TRABD2B: variants seen among roughly 807,000 people sequenced by gnomAD.
TRABD2B encodes the protein TraB domain containing 2B.
TRABD2B carries 14 observed loss-of-function variants against 40.1 expected under a neutral mutation model. That is an observed-to-expected ratio of 0.35 (90% CI 0.23 to 0.55). The LOEUF is 0.55. Ranked by LOEUF, TRABD2B falls within the 20% of genes least tolerant of loss-of-function variation. TRABD2B has a pLI of 0.90. For missense variants in TRABD2B, 541 were observed against 648.6 expected (o/e 0.83, Z 1.80); for synonymous variants, 263 against 277.0 (o/e 0.95, Z 0.50).
At chr1:47,974,797 C>T (rs189206292) in intron 2 of TRABD2B, among the ~76,000 whole-genome samples, 120 of 152,310 alleles carry the variant, frequency 7.9e-4, no homozygotes, top group Middle Eastern at 3.4e-3. Flanking sequence ...AGAAACCTGA[C>T]AAATACTACT....
intron 4 of TRABD2B, among the ~76,000 whole-genome samples, chr1:47,793,101 C>G (rs935558514): frequency 6.6e-6 from 1 of 152,128 alleles, no homozygotes; most frequent in Non-Finnish European, 1.5e-5. Flanking sequence ...AGTCAATGTC[C>G]TGCTCCTGCC....
At chr1:47,844,355 T>A (rs1439373684) in intron 2 of TRABD2B, among the ~76,000 whole-genome samples, 2 of 152,192 alleles carry the variant, frequency 1.3e-5, no homozygotes, top group Non-Finnish European at 2.9e-5. Flanking sequence ...GAGGTCCATA[T>A]GAGTTGGGGC....
intron 2 of TRABD2B, among the ~76,000 whole-genome samples, chr1:47,899,964 C>G (rs1410766359): frequency 6.6e-6 from 1 of 152,162 alleles, no homozygotes; most frequent in African/African-American, 2.4e-5. Context: ...GGAATAAAGG[C>G]AGGTATGCAA....
At chr1:47,935,000 C>T (rs1367247741) in intron 2 of TRABD2B, among the ~76,000 whole-genome samples, 1 of 152,100 alleles carries the variant, frequency 6.6e-6, no homozygotes, top group Non-Finnish European at 1.5e-5. Context: ...CTCTCTTTAT[C>T]CACCTGGAAA....
intron 2 of TRABD2B, among the ~76,000 whole-genome samples, chr1:47,845,071 C>T (rs1256605044): frequency 6.6e-6 from 1 of 152,104 alleles, no homozygotes; most frequent in Non-Finnish European, 1.5e-5. Flanking sequence ...CATCACTGTC[C>T]CCCGTCCATC....
chr1:47,885,024 C>T (rs1644352994), intron 2 of TRABD2B, among the ~76,000 whole-genome samples: 1 of 152,096 alleles, frequency 6.6e-6, no homozygotes. Flanking sequence ...CCCTGCCACC[C>T]AGCTGCTCAA....
At position 47,765,955 on chromosome 1, in the gene TRABD2B, T is replaced by C. The variant is rs976757944; in HGVS notation, c.1501A>G (p.Ile501Val). The change falls in exon 7 of 7, where the codon ATC becomes GTC. Residue 501 changes from isoleucine (I) to valine (V), a missense_variant. This residue lies in a region of TRABD2B where 172 missense variants were observed against 155.8 expected (regional missense o/e 1.10). Coordinates refer to ENST00000606738, the MANE Select transcript of TRABD2B (RefSeq NM_001194986.2). ...SAPTLGLLPA[I>V]ATTIAVCFLL... Reference sequence around the variant, plus strand: ...AAGCAGACAGCGATGGTGGTGGCGATGGCGGGGAGAAGGCCCAGGGTGGGT... The same window carrying C: ...AAGCAGACAGCGATGGTGGTGGCGACGGCGGGGAGAAGGCCCAGGGTGGGT... 3.1e-5 allele frequency: 22 copies of C among 702,702 alleles called. No homozygotes were observed. The highest frequency in any genetic ancestry group is 5.2e-5 in the African/African-American group (3 of 57,228). 43.5% of individuals were successfully genotyped at this position (702,702 alleles called of 1,614,324 possible). A position where few individuals can be genotyped will look rare whatever the true frequency, so the allele number is the denominator to read the frequency against.
At chr1:47,825,951 C>T (rs1645168438) in intron 2 of TRABD2B, among the ~76,000 whole-genome samples, 1 of 152,206 alleles carries the variant, frequency 6.6e-6, no homozygotes. Flanking sequence ...CTCATCTGTT[C>T]AACAGGGAGA....
intron 2 of TRABD2B, among the ~76,000 whole-genome samples, chr1:47,918,740 T>C (rs977560216): frequency 4.6e-5 from 7 of 152,162 alleles, no homozygotes; most frequent in African/African-American, 1.7e-4. Context: ...ACTCATACCA[T>C]TCTATGCCTC....
At chr1:47,854,939 G>A (rs950017470) in intron 2 of TRABD2B, among the ~76,000 whole-genome samples, 2 of 152,146 alleles carry the variant, frequency 1.3e-5, no homozygotes, top group African/African-American at 4.8e-5. Flanking sequence ...GTGATGTAGG[G>A]CAAGCTGCTT....
chr1:47,834,552 G>A (rs1368484030), intron 2 of TRABD2B, among the ~76,000 whole-genome samples: 2 of 147,816 alleles, frequency 1.4e-5, no homozygotes, highest in Non-Finnish European at 3.0e-5. Flanking sequence ...GGGTGTTAAG[G>A]ATGTGCTCCA....
intron 4 of TRABD2B, among the ~76,000 whole-genome samples, chr1:47,791,114 C>G: frequency 6.6e-6 from 1 of 152,206 alleles, no homozygotes; most frequent in East Asian, 1.9e-4. Context: ...TGTCTGTCCT[C>G]GCAGGCTCTC....
At chr1:47,900,800 C>T (rs1644590064) in intron 2 of TRABD2B, among the ~76,000 whole-genome samples, 1 of 152,142 alleles carries the variant, frequency 6.6e-6, no homozygotes, top group Admixed American at 6.5e-5. Flanking sequence ...CAGTCTGAGA[C>T]CACAGGACAG....
intron 4 of TRABD2B, among the ~76,000 whole-genome samples, chr1:47,783,609 T>C (rs993507597): frequency 6.6e-6 from 1 of 152,044 alleles, no homozygotes; most frequent in Non-Finnish European, 1.5e-5. Context: ...GAAGCCAGGG[T>C]CCCACATAAA....
Position 47,961,670 on chromosome 1 carries a change from C to G in TRABD2B, c.666+32364G>C, listed in dbSNP as rs1170822655. On this transcript the variant is annotated intron_variant, in intron 2 of 6. Transcript: ENST00000606738. ...AATCAAAACCACAATGAGATACCAT[C>G]TCACACCAGTTAGAATGGCGATCAT... 2.0e-5 allele frequency among the ~76,000 whole-genome samples: 3 copies of G among 152,166 alleles called. No homozygotes were observed. The East Asian group carries it at 5.8e-4, about 29-fold the overall frequency.
At chr1:47,913,082 C>A (rs1644784237) in intron 2 of TRABD2B, among the ~76,000 whole-genome samples, 1 of 152,198 alleles carries the variant, frequency 6.6e-6, no homozygotes, top group Non-Finnish European at 1.5e-5. Context: ...AGGCCCAGCT[C>A]CATGCTCTGT....
At chr1:47,952,702 A>G (rs1645362867) in intron 2 of TRABD2B, among the ~76,000 whole-genome samples, 1 of 152,136 alleles carries the variant, frequency 6.6e-6, no homozygotes, top group Non-Finnish European at 1.5e-5. Flanking sequence ...GGCGTAATAC[A>G]TTGTGCAGAG....
At chr1:47,898,342 G>C (rs1282661374) in intron 2 of TRABD2B, among the ~76,000 whole-genome samples, 3 of 152,202 alleles carry the variant, frequency 2.0e-5, no homozygotes, top group African/African-American at 7.2e-5. Context: ...TCTCACTTAG[G>C]TGCCATTAGG....
At chr1:47,846,970 T>A (rs1303456887) in intron 2 of TRABD2B, among the ~76,000 whole-genome samples, 1 of 151,490 alleles carries the variant, frequency 6.6e-6, no homozygotes, top group East Asian at 2.0e-4. Flanking sequence ...GAGATAGGAG[T>A]GTCCAGATCA....
Sources: allele counts gnomAD v4.1 joint callset (sites outside exome capture counted in the v4.1 genomes callset), GRCh38; gene constraint gnomAD v4.1.1; regional missense constraint gnomAD v4.1.1; transcripts MANE v1.5; gene names NCBI Gene and HGNC (gene_info 2026-07-23, HGNC 2026-07-21).